SOCS2: variants seen among roughly 807,000 people sequenced by gnomAD.
The protein encoded by SOCS2 is suppressor of cytokine signaling 2, also known as CIS-2.
Under a neutral mutation model 18.6 loss-of-function variants are expected in SOCS2, and 10 were observed. That is an observed-to-expected ratio of 0.54 (90% CI 0.33 to 0.91). The LOEUF (loss-of-function observed/expected upper bound fraction) is 0.91. Among genes scored for constraint, SOCS2 ranks in the 40% least tolerant of loss-of-function variants. The pLI is 0.02. For missense variants in SOCS2, 231 were observed against 247.2 expected, an observed-to-expected ratio of 0.93 and a Z score of 0.44; for synonymous variants, 104 against 104.0, an observed-to-expected ratio of 1.00 and a Z score of 0.00.
downstream of SOCS2, among the ~76,000 whole-genome samples, chr12:93,587,277 G>A (rs75719693): frequency 1.1e-3 from 174 of 152,340 alleles, 1 homozygote; most frequent in African/African-American, 3.7e-3. Context: ...GATAATGGCT[G>A]CAACGGAGGT....
the SOCS2 span, among the ~76,000 whole-genome samples, chr12:93,605,787 T>C: frequency 7.2e-5 from 11 of 152,228 alleles, no homozygotes; most frequent in Admixed American, 7.2e-4. Context: ...TTATTCTGTC[T>C]GACACTCTTC....
the SOCS2 span, among the ~76,000 whole-genome samples, chr12:93,611,810 A>T: frequency 6.6e-6 from 1 of 152,238 alleles, no homozygotes; most frequent in East Asian, 1.9e-4. Context: ...TTCAATAATC[A>T]GTACTATTAT....
chr12:93,613,027 A>G, the SOCS2 span, among the ~76,000 whole-genome samples: 1 of 152,242 alleles, frequency 6.6e-6, no homozygotes, highest in Non-Finnish European at 1.5e-5. Flanking sequence ...CAAAGACGGA[A>G]AACAGCTAAA....
At chr12:93,574,623 GA>G in intron 1 of SOCS2, 98 bp from the exon 2 acceptor site, 1 of 724,244 alleles carries the variant, frequency 1.4e-6, no homozygotes, top group Non-Finnish European at 2.0e-6. Context: ...TTCTTTTTTA[GA>G]GCTAAAAAAA....
the SOCS2 span, among the ~76,000 whole-genome samples, chr12:93,591,622 G>C: frequency 6.6e-6 from 1 of 152,196 alleles, no homozygotes; most frequent in Admixed American, 6.5e-5. Flanking sequence ...CTGTGGCCAG[G>C]GTAGAGTGCG....
the SOCS2 span, among the ~76,000 whole-genome samples, chr12:93,603,723 T>C: frequency 1.3e-5 from 2 of 152,222 alleles, no homozygotes; most frequent in East Asian, 3.8e-4. Flanking sequence ...TTATTTGGGG[T>C]AATGCTTGAC....
At chr12:93,585,699 C>T (rs893444821), downstream of SOCS2, among the ~76,000 whole-genome samples, 16 of 152,112 alleles carry the variant, frequency 1.1e-4, no homozygotes, top group African/African-American at 3.6e-4. Context: ...TTTTCAGGTA[C>T]TGCAAAACAG....
At chr12:93,621,549 T>G in the SOCS2 span, among the ~76,000 whole-genome samples, 1 of 152,150 alleles carries the variant, frequency 6.6e-6, no homozygotes, top group Non-Finnish European at 1.5e-5. Context: ...CAATCATAGC[T>G]CACTGCAGCC....
chr12:93,582,688 G>A (rs1362208931), intron 1 of SOCS2, among the ~76,000 whole-genome samples: 1 of 152,164 alleles, frequency 6.6e-6, no homozygotes, highest in East Asian at 1.9e-4. Context: ...GCGGTGCAGC[G>A]GGCACAACCC....
chr12:93,601,677 G>A, the SOCS2 span, among the ~76,000 whole-genome samples: 5,622 of 152,208 alleles, frequency 0.037, 123 homozygotes, highest in Middle Eastern at 0.13. Context: ...CTCAAAGAAC[G>A]AGCATTTAGA....
the SOCS2 span, among the ~76,000 whole-genome samples, chr12:93,596,406 A>G: frequency 6.6e-6 from 1 of 152,206 alleles, no homozygotes; most frequent in Admixed American, 6.5e-5. Flanking sequence ...TTAATATTTA[A>G]TATTTGGGAT....
At chr12:93,618,568 C>T in the SOCS2 span, among the ~76,000 whole-genome samples, 1 of 152,172 alleles carries the variant, frequency 6.6e-6, no homozygotes, top group South Asian at 2.1e-4. Flanking sequence ...ATTCTCCCAA[C>T]ACCACATGCC....
chr12:93,603,381 G>C, the SOCS2 span, among the ~76,000 whole-genome samples: 3 of 152,048 alleles, frequency 2.0e-5, no homozygotes, highest in Non-Finnish European at 4.4e-5. Context: ...AAAAGGTTAG[G>C]CCCTCTGCCT....
chr12:93,618,126 C>T, the SOCS2 span, among the ~76,000 whole-genome samples: 1 of 152,116 alleles, frequency 6.6e-6, no homozygotes, highest in African/African-American at 2.4e-5. Flanking sequence ...TCTCTTCCGC[C>T]TGCTCTGGCC....
intron 1 of SOCS2, chr12:93,573,259 A>G (rs930316): frequency 0.22 from 131,172 of 607,400 alleles, 16,255 homozygotes; most frequent in East Asian, 0.45. Flanking sequence ...GCGCGGGAAG[A>G]GCTTCTTGGA....
chr12:93,594,650 T>C, the SOCS2 span, among the ~76,000 whole-genome samples: 3 of 152,282 alleles, frequency 2.0e-5, no homozygotes, highest in East Asian at 3.9e-4. Context: ...ATAATTAGTA[T>C]AGAATTTATT....
chr12:93,584,642 T>C (rs1006154471), downstream of SOCS2, among the ~76,000 whole-genome samples: 2 of 150,994 alleles, frequency 1.3e-5, no homozygotes, highest in Non-Finnish European at 2.9e-5. Context: ...CTCTTAATAA[T>C]GATGCATCTT....
upstream of SOCS2, chr12:93,571,880 C>A (rs1467080689): frequency 2.4e-6 from 1 of 418,948 alleles, no homozygotes; most frequent in Non-Finnish European, 4.7e-6. Flanking sequence ...CTGCCTGGTG[C>A]GGAGGCGGCG....
chr12:93,614,290 T>A, the SOCS2 span, among the ~76,000 whole-genome samples: 6 of 152,202 alleles, frequency 3.9e-5, no homozygotes, highest in African/African-American at 9.7e-5. Context: ...ATTTACACCA[T>A]TAGGAATAAT....
Sources: allele counts gnomAD v4.1 joint callset (sites outside exome capture counted in the v4.1 genomes callset), GRCh38; gene constraint gnomAD v4.1.1; transcripts MANE v1.5; gene names NCBI Gene and HGNC (gene_info 2026-07-23, HGNC 2026-07-21).